Variants in AGBL1 observed in about 807,000 individuals in gnomAD.
AGBL1 encodes cytosolic carboxypeptidase 4.
A neutral mutation model predicts 118.9 loss-of-function variants in AGBL1; 130 were observed. The ratio of observed to expected loss-of-function variants is 1.09; its 90% CI spans 0.95 to 1.26. AGBL1 has a LOEUF of 1.26. Among genes scored for constraint, AGBL1 ranks in the 50% most tolerant of loss-of-function variants. The pLI is 0.00. For missense variants in AGBL1, 1,584 were observed against 1,298.1 expected, an observed-to-expected ratio of 1.22 and a Z score of -3.38; for synonymous variants, 555 against 478.9, an observed-to-expected ratio of 1.16 and a Z score of -2.08.
intron 22 of AGBL1, among the ~76,000 whole-genome samples, chr15:86,787,083 T>C (rs1353508392): frequency 3.3e-5 from 5 of 152,236 alleles, no homozygotes; most frequent in African/African-American, 1.2e-4. Context: ...TTTGTACTAA[T>C]CAAATATTTA....
intron 17 of AGBL1, chr15:86,296,946 C>A (rs1169964670): frequency 1.3e-5 from 2 of 152,042 alleles, no homozygotes; most frequent in Admixed American, 6.6e-5. Context: ...GAAGTGCCTC[C>A]GTTTTTGCAT....
intron 21 of AGBL1, among the ~76,000 whole-genome samples, chr15:86,578,193 C>G (rs1431345861): frequency 6.6e-6 from 1 of 152,200 alleles, no homozygotes; most frequent in Non-Finnish European, 1.5e-5. Context: ...GGAAACGCAC[C>G]TCTTGCATCA....
intron 21 of AGBL1, among the ~76,000 whole-genome samples, chr15:86,612,659 C>T (rs892293958): frequency 2.8e-4 from 43 of 152,146 alleles, no homozygotes; most frequent in Non-Finnish European, 5.9e-4. Context: ...ATTTCTTTGA[C>T]GTATTTTGAA....
chr15:86,538,325 C>T (rs867102389), intron 19 of AGBL1, among the ~76,000 whole-genome samples: 1 of 152,196 alleles, frequency 6.6e-6, no homozygotes, highest in Middle Eastern at 3.2e-3. Context: ...GGAATAAATT[C>T]TGCATGTGCC....
chr15:86,742,030 T>C (rs369677346), intron 22 of AGBL1, among the ~76,000 whole-genome samples: 1 of 151,540 alleles, frequency 6.6e-6, no homozygotes, highest in Non-Finnish European at 1.5e-5. Context: ...ACGCTAAAGA[T>C]GATGAAAGGG....
intron 22 of AGBL1, among the ~76,000 whole-genome samples, chr15:86,681,824 T>C (rs1268038786): frequency 6.6e-6 from 1 of 152,116 alleles, no homozygotes; most frequent in Non-Finnish European, 1.5e-5. Context: ...GGTGATTGTG[T>C]TGGAGAGGTT....
At chr15:86,847,231 G>A (rs2079332548) in intron 22 of AGBL1, among the ~76,000 whole-genome samples, 1 of 152,064 alleles carries the variant, frequency 6.6e-6, no homozygotes, top group Non-Finnish European at 1.5e-5. Context: ...GTCTTTTTCT[G>A]CTGAGTTCAA....
chr15:86,778,325 C>G (rs1030946715), intron 22 of AGBL1, among the ~76,000 whole-genome samples: 1 of 152,134 alleles, frequency 6.6e-6, no homozygotes, highest in Non-Finnish European at 1.5e-5. Context: ...TTGATAACAT[C>G]TTATCAGGAG....
intron 3 of AGBL1, 134 bp downstream of exon 3, chr15:86,143,979 A>G: frequency 8.9e-7 from 1 of 1,127,928 alleles, no homozygotes; most frequent in South Asian, 1.6e-5. Flanking sequence ...CTTGATGGTG[A>G]TGGCAGGACC....
At chr15:86,307,313 A>G (rs761473639) in intron 17 of AGBL1, among the ~76,000 whole-genome samples, 1 of 152,208 alleles carries the variant, frequency 6.6e-6, no homozygotes. Context: ...TTTGAATATT[A>G]GGAATATTCC....
At chr15:86,441,998 A>G (rs764977756) in intron 18 of AGBL1, among the ~76,000 whole-genome samples, 1 of 152,246 alleles carries the variant, frequency 6.6e-6, no homozygotes, top group South Asian at 2.1e-4. Flanking sequence ...GGTGGGGTAG[A>G]TGGTAACACA....
At chr15:86,796,823 T>C (rs1311569695) in intron 22 of AGBL1, among the ~76,000 whole-genome samples, 2 of 152,240 alleles carry the variant, frequency 1.3e-5, no homozygotes, top group Non-Finnish European at 2.9e-5. Context: ...TCTGGCTCTT[T>C]ATATGAAAAT....
intron 22 of AGBL1, among the ~76,000 whole-genome samples, chr15:86,879,120 C>G (rs2079855099): frequency 6.6e-6 from 1 of 152,254 alleles, no homozygotes; most frequent in Admixed American, 6.5e-5. Flanking sequence ...AAGAGGATGT[C>G]TGGCAGGTGG....
At chr15:86,511,777 T>A (rs536709897) in intron 18 of AGBL1, among the ~76,000 whole-genome samples, 10 of 152,102 alleles carry the variant, frequency 6.6e-5, no homozygotes, top group African/African-American at 2.2e-4. Context: ...AAGAACAGCT[T>A]TTGATACTCA....
intron 16 of AGBL1, among the ~76,000 whole-genome samples, chr15:86,286,437 C>G (rs1008734701): frequency 6.6e-5 from 10 of 152,082 alleles, no homozygotes; most frequent in Admixed American, 5.2e-4. Context: ...ATTTTGTACC[C>G]TTTCTCCAAC....
chr15:86,604,170 G>T (rs959474494), intron 21 of AGBL1, among the ~76,000 whole-genome samples: 4 of 151,886 alleles, frequency 2.6e-5, no homozygotes, highest in African/African-American at 9.7e-5. Context: ...TCTTAGGGGA[G>T]CAACAAAAAC....
intron 24 of AGBL1, among the ~76,000 whole-genome samples, chr15:87,021,497 A>T (rs1307377354): frequency 1.6e-5 from 2 of 127,520 alleles, no homozygotes; most frequent in African/African-American, 6.2e-5. Flanking sequence ...TGACATATGG[A>T]ATCTAATTAA....
chr15:86,165,857 C>T (rs1421899797), intron 5 of AGBL1, among the ~76,000 whole-genome samples: 1 of 152,192 alleles, frequency 6.6e-6, no homozygotes, highest in East Asian at 1.9e-4. Context: ...GCTCAAGTTA[C>T]TAGCAGAGTT....
chr15:86,213,391 A>C (rs1337971239), intron 5 of AGBL1, among the ~76,000 whole-genome samples: 1 of 152,170 alleles, frequency 6.6e-6, no homozygotes, highest in Non-Finnish European at 1.5e-5. Context: ...GTGTTTCACA[A>C]GTGAGATTCC....
Sources: gnomAD v4.1 joint callset for allele counts (sites outside exome capture counted in the v4.1 genomes callset) on GRCh38, gnomAD v4.1.1 for gene constraint, MANE v1.5 for transcripts, NCBI Gene and HGNC (gene_info 2026-07-23, HGNC 2026-07-21) for gene names.